The following ZDHHC5 variants were observed in gnomAD, a reference collection of about 807,000 sequenced individuals.
ZDHHC5 encodes the protein palmitoyltransferase ZDHHC5.
Under a neutral mutation model 70.0 loss-of-function variants are expected in ZDHHC5, and 22 were observed. That is an observed-to-expected ratio of 0.31 (90% CI 0.22 to 0.45). The LOEUF is 0.45. Among genes scored for constraint, ZDHHC5 ranks in the 20% least tolerant of loss-of-function variants. The pLI is 1.00. For missense variants in ZDHHC5, 746 were observed against 926.9 expected (o/e 0.80, Z 2.53); for synonymous variants, 313 against 347.8 (o/e 0.90, Z 1.11).
At chr11:57,668,390 C>T (rs145131324) in intron 1 of ZDHHC5, 1,884 of 161,728 alleles carry the variant, frequency 0.012, 41 homozygotes, top group African/African-American at 0.042. Flanking sequence ...GATCCACGAC[C>T]GCCAGGGCTC....
intron 6 of ZDHHC5, 123 bp downstream of exon 6, chr11:57,690,560 G>A: frequency 9.6e-7 from 1 of 1,044,584 alleles, no homozygotes; most frequent in Non-Finnish European, 1.4e-6. Context: ...TGATTATGTA[G>A]AGATTAATGG....
chr11:57,690,894 T>C (rs1234929883), intron 6 of ZDHHC5, among the ~76,000 whole-genome samples: 1 of 152,074 alleles, frequency 6.6e-6, no homozygotes, highest in Admixed American at 6.6e-5. Flanking sequence ...ATATACCTAA[T>C]GTAAGTGACG....
intron 6 of ZDHHC5, 84 bp downstream of exon 6, chr11:57,690,521 A>T: frequency 7.4e-7 from 1 of 1,359,254 alleles, no homozygotes; most frequent in Admixed American, 1.7e-5. Context: ...TAGTGCTTCC[A>T]CAAAGAGATG....
chr11:57,671,468 T>C (rs1346169813), intron 1 of ZDHHC5, among the ~76,000 whole-genome samples: 1 of 152,192 alleles, frequency 6.6e-6, no homozygotes, highest in African/African-American at 2.4e-5. Flanking sequence ...TGCAAGAACA[T>C]TTCTTACCCA....
intron 7 of ZDHHC5, 116 bp from the exon 8 acceptor site, chr11:57,693,667 A>C: frequency 1.4e-6 from 2 of 1,410,432 alleles, no homozygotes; most frequent in Non-Finnish European, 9.3e-7. Flanking sequence ...CCAAAACTGC[A>C]ATTACTTTTT....
Position 57,674,825 on chromosome 11 carries a change from T to C in ZDHHC5, c.104+1631T>C, listed in dbSNP as rs141075539. 8.8e-3 allele frequency among the ~76,000 whole-genome samples: 1,344 copies of C among 152,340 alleles called. 27 individuals carry two copies. Among genetic ancestry groups the C allele is most frequent in the African/African-American group, 0.03 (1,239 of 41,578 alleles). ...ATCTAAGGCATGAACACCATCCTAC[T>C]TCTCACCTCCTCTGAAGCAGAGAAG... On this transcript the variant is annotated intron_variant, in intron 2 of 11. Coordinates refer to ENST00000287169, the MANE Select transcript of ZDHHC5 (RefSeq NM_015457.3).
chr11:57,696,066 A>G (rs371229111), intron 9 of ZDHHC5, 23 bp downstream of exon 9: 27 of 1,602,520 alleles, frequency 1.7e-5, no homozygotes, highest in Non-Finnish European at 2.3e-5. Context: ...TTGATTTGCA[A>G]GATACTAGAA....
chr11:57,684,236 ATGTGC>A (rs1565193575), intron 3 of ZDHHC5, among the ~76,000 whole-genome samples: 1 of 152,090 alleles, frequency 6.6e-6, no homozygotes, highest in African/African-American at 2.4e-5. Context: ...CAGCTTCCCA[ATGTGC>A]TGGGATTATA....
intron 2 of ZDHHC5, among the ~76,000 whole-genome samples, chr11:57,673,663 C>G (rs1406520470): frequency 6.6e-6 from 1 of 152,154 alleles, no homozygotes; most frequent in Non-Finnish European, 1.5e-5. Context: ...GTCCGCCTCC[C>G]AAGTTCAAGC....
chr11:57,695,141 A>G (rs1946333047), intron 8 of ZDHHC5, among the ~76,000 whole-genome samples: 1 of 152,184 alleles, frequency 6.6e-6, no homozygotes, highest in Admixed American at 6.5e-5. Context: ...GCATGCCTGT[A>G]GTCCTAGCTA....
chr11:57,670,569 G>T (rs922278108), intron 1 of ZDHHC5, among the ~76,000 whole-genome samples: 1 of 151,978 alleles, frequency 6.6e-6, no homozygotes, highest in South Asian at 2.1e-4. Flanking sequence ...TTCCATTCCT[G>T]TAGGAAACTG....
At chr11:57,679,224 C>T (rs1051364672) in intron 2 of ZDHHC5, among the ~76,000 whole-genome samples, 4 of 152,072 alleles carry the variant, frequency 2.6e-5, no homozygotes, top group African/African-American at 4.8e-5. Flanking sequence ...TGAAGTGGCG[C>T]GATCTTGGCT....
In ZDHHC5 at chr11:57,696,483, A is replaced by G. The variant is rs148784813; in HGVS notation, c.1010-278A>G. On this transcript the variant is annotated intron_variant, in intron 9 of 11. Transcript: ENST00000287169. ...GTGATCCCAGCACTTTGGGAGGCCA[A>G]CGCAGGAGGATTGCTTGAGCCCAGG... Among the ~76,000 whole-genome samples the G allele has an allele frequency of 2.0e-3, 305 of 152,260 alleles. 1 individual carries two copies. The highest frequency in any genetic ancestry group is 7.1e-3 in the African/African-American group (297 of 41,550).
rs775517079 is a variant in ZDHHC5, at chr11:57,690,200, T to C, written c.554T>C (p.Val185Ala). 1 of 1,614,086 alleles carries C rather than the reference T, an allele frequency of 6.2e-7. No individual in the cohort carries two copies. The highest frequency in any genetic ancestry group is 8.5e-7 in the Non-Finnish European group (1 of 1,179,986). ...GAACTCTCAGGGGTCCGCACGGCTG[T>C]CACGTATCCTTCAAGGCCTTTTAGA... ...IEELSGVRTAVTMAVMCVAGL... is the reference protein window; with the variant it reads ...IEELSGVRTAATMAVMCVAGL... The change falls in exon 5 of 12, where the codon GTC becomes GCC. Residue 185 changes from valine to alanine, a missense_variant. Val to Ala is a moderately conservative substitution (Grantham distance 64). Transcript: ENST00000287169.
chr11:57,696,851 T>C lies in ZDHHC5; in HGVS notation c.1100T>C (p.Met367Thr). Residue 367 changes from methionine to threonine, a missense_variant, in exon 10 of 12, where the codon ATG becomes ACG. By Grantham distance (81) the Met-to-Thr change is moderately conservative. This residue lies in a region of ZDHHC5 where 179 missense variants were observed against 178.4 expected (regional missense o/e 1.00). Coordinates refer to ENST00000287169, the MANE Select transcript of ZDHHC5 (RefSeq NM_015457.3). ...AGTAGCAGCAGTACGTCAGCTGCCA[T>C]GCCGCATTCCTCCAGCGCCAAGGTA... The part of the protein sequence containing the change: ...GYSSSSTSAA[M>T]PHSSSAKLSR... 6.2e-7 allele frequency: 1 copy of C among 1,613,978 alleles called. No individual in the cohort carries two copies. The highest frequency in any genetic ancestry group is 8.5e-7 in the Non-Finnish European group (1 of 1,179,888).
intron 4 of ZDHHC5, among the ~76,000 whole-genome samples, chr11:57,689,742 A>G (rs1337425366): frequency 6.8e-6 from 1 of 146,216 alleles, no homozygotes; most frequent in Non-Finnish European, 1.5e-5. Context: ...GTGGCTATTC[A>G]CAGGCAGTCA....
At chr11:57,685,702 A>G (rs1404742215) in intron 3 of ZDHHC5, among the ~76,000 whole-genome samples, 2 of 152,160 alleles carry the variant, frequency 1.3e-5, no homozygotes, top group Non-Finnish European at 2.9e-5. Flanking sequence ...AGCTCAGACT[A>G]GAAAGGAAGA....
chr11:57,668,213 G>C (rs1373047133), intron 1 of ZDHHC5, 26 bp downstream of exon 1: 1 of 360,128 alleles, frequency 2.8e-6, no homozygotes, highest in African/African-American at 2.1e-5. Context: ...ACCGGTCCCT[G>C]CGGAACCGGA....
At chr11:57,679,215 G>C (rs1192546318) in intron 2 of ZDHHC5, among the ~76,000 whole-genome samples, 1 of 152,164 alleles carries the variant, frequency 6.6e-6, no homozygotes, top group African/African-American at 2.4e-5. Flanking sequence ...AGGCTGTCGT[G>C]AAGTGGCGCG....
Sources: allele counts gnomAD v4.1 joint callset (sites outside exome capture counted in the v4.1 genomes callset), GRCh38; gene constraint gnomAD v4.1.1; regional missense constraint gnomAD v4.1.1; transcripts MANE v1.5; gene names NCBI Gene and HGNC (gene_info 2026-07-23, HGNC 2026-07-21).